PDE10A: variants seen among roughly 807,000 people sequenced by gnomAD.
PDE10A encodes cAMP and cAMP-inhibited cGMP 3',5'-cyclic phosphodiesterase 10A.
PDE10A carries 39 observed loss-of-function variants against 97.7 expected under a neutral mutation model. That is an observed-to-expected ratio of 0.40 (90% CI 0.31 to 0.52). PDE10A has a LOEUF of 0.52. Among genes scored for constraint, PDE10A ranks in the 20% least tolerant of loss-of-function variants. The pLI, the probability that PDE10A is intolerant of heterozygous loss-of-function variation, is 0.56. For missense variants in PDE10A, 731 were observed against 1,047.8 expected, an observed-to-expected ratio of 0.70 and a Z score of 4.17; for synonymous variants, 371 against 376.8, an observed-to-expected ratio of 0.98 and a Z score of 0.18.
At chr6:165,620,902 T>C (rs1458330948) in intron 1 of PDE10A, among the ~76,000 whole-genome samples, 1 of 151,438 alleles carries the variant, frequency 6.6e-6, no homozygotes, top group South Asian at 2.1e-4. Context: ...GCACCTGTAG[T>C]CCCAGCTACT....
chr6:165,504,199 T>C (rs1003695305), intron 2 of PDE10A, among the ~76,000 whole-genome samples: 1 of 152,144 alleles, frequency 6.6e-6, no homozygotes, highest in African/African-American at 2.4e-5. Context: ...TAGAATATTA[T>C]TTTGGAAAAT....
intron 1 of PDE10A, among the ~76,000 whole-genome samples, chr6:165,706,113 A>T (rs1474760464): frequency 6.6e-6 from 1 of 152,238 alleles, no homozygotes; most frequent in Non-Finnish European, 1.5e-5. Context: ...TGGGGAAGCC[A>T]GTTCCAGAAA....
At chr6:165,960,798 G>T (rs1275492202) in intron 1 of PDE10A, among the ~76,000 whole-genome samples, 1 of 152,228 alleles carries the variant, frequency 6.6e-6, no homozygotes, top group Non-Finnish European at 1.5e-5. Flanking sequence ...CAGGCAGGGA[G>T]CGGGGTGGGA....
chr6:165,363,792 A>G (rs901968037), intron 18 of PDE10A, among the ~76,000 whole-genome samples: 1 of 152,230 alleles, frequency 6.6e-6, no homozygotes, highest in Non-Finnish European at 1.5e-5. Flanking sequence ...TCAAAACAAT[A>G]AAATCCTTAG....
chr6:165,692,689 C>T (rs1249541201), intron 1 of PDE10A, among the ~76,000 whole-genome samples: 2 of 152,242 alleles, frequency 1.3e-5, no homozygotes, highest in Non-Finnish European at 2.9e-5. Flanking sequence ...TGTACACAGA[C>T]ATGCCCTGCT....
intron 18 of PDE10A, among the ~76,000 whole-genome samples, chr6:165,346,885 A>G (rs1346682690): frequency 6.6e-6 from 1 of 152,214 alleles, no homozygotes; most frequent in Non-Finnish European, 1.5e-5. Context: ...GAATTCTGTT[A>G]TGAGGTAGTC....
intron 1 of PDE10A, among the ~76,000 whole-genome samples, chr6:165,909,989 A>T (rs746410400): frequency 6.6e-6 from 1 of 152,026 alleles, no homozygotes; most frequent in Non-Finnish European, 1.5e-5. Flanking sequence ...CATCACTCTC[A>T]ACATATTTTT....
In PDE10A at chr6:165,772,448, T is replaced by C. The variant is rs147062914; in HGVS notation, c.-615+215081A>G. On this transcript the variant is annotated intron_variant, in intron 1 of 19. Coordinates refer to the PDE10A transcript ENST00000366882. ...TGCCTGTTGTAGACATCGCCTCCAA[T>C]GTTCTCCATGCGGCGTCCTAGGGCC... Among the ~76,000 whole-genome samples, 3 of 152,270 alleles carry C rather than the reference T, an allele frequency of 2.0e-5. No homozygotes were observed. In the East Asian group the frequency reaches 5.8e-4, roughly 29 times the overall value.
intron 1 of PDE10A, among the ~76,000 whole-genome samples, chr6:165,930,702 C>T (rs946996788): frequency 6.6e-6 from 1 of 152,236 alleles, no homozygotes; most frequent in African/African-American, 2.4e-5. Context: ...AAACAGATTC[C>T]TATTCTTCCA....
chr6:165,417,014 AATT>A (rs1788366664), intron 11 of PDE10A, among the ~76,000 whole-genome samples: 2 of 89,450 alleles, frequency 2.2e-5, no homozygotes, highest in African/African-American at 6.0e-5. Context: ...AAACTTCCTT[AATT>A]AACAAAGATG....
intron 21 of PDE10A, among the ~76,000 whole-genome samples, chr6:165,334,164 C>G (rs1015781942): frequency 2.6e-5 from 4 of 152,316 alleles, no homozygotes; most frequent in Middle Eastern, 3.4e-3. Flanking sequence ...TTAAAATGGC[C>G]TTTAAGAAGT....
chr6:165,782,170 A>G (rs1455179979), intron 1 of PDE10A, among the ~76,000 whole-genome samples: 4 of 152,252 alleles, frequency 2.6e-5, no homozygotes, highest in Admixed American at 2.6e-4. Flanking sequence ...ATCTAATCAC[A>G]AAGTTAGCGT....
intron 1 of PDE10A, among the ~76,000 whole-genome samples, chr6:165,613,386 T>C (rs1011805329): frequency 9.2e-5 from 14 of 152,154 alleles, no homozygotes; most frequent in Admixed American, 2.6e-4. Flanking sequence ...CACCCTGTAA[T>C]CCCAGCACTT....
intron 13 of PDE10A, among the ~76,000 whole-genome samples, chr6:165,406,551 T>C (rs551288114): frequency 6.6e-6 from 1 of 152,114 alleles, no homozygotes. Context: ...CGATGAAGTT[T>C]TGGGTTTTTT....
intron 1 of PDE10A, among the ~76,000 whole-genome samples, chr6:165,915,213 G>T (rs1192287220): frequency 6.6e-6 from 1 of 152,106 alleles, no homozygotes; most frequent in African/African-American, 2.4e-5. Context: ...TGGCTCACTG[G>T]CCTGTCCAAA....
intron 1 of PDE10A, among the ~76,000 whole-genome samples, chr6:165,543,871 C>CGTGT (rs375765109): frequency 0.1 from 15,128 of 149,860 alleles, 1,118 homozygotes; most frequent in African/African-American, 0.21. Flanking sequence ...TTCATATATA[C>CGTGT]GTGTGTGTGT....
intron 1 of PDE10A, among the ~76,000 whole-genome samples, chr6:165,817,632 C>T (rs1161429213): frequency 6.6e-6 from 1 of 152,158 alleles, no homozygotes; most frequent in Non-Finnish European, 1.5e-5. Context: ...GTCCCTGCAA[C>T]AGAGCCCGGC....
chr6:165,733,056 G>C (rs1416678307), intron 1 of PDE10A, among the ~76,000 whole-genome samples: 1 of 152,192 alleles, frequency 6.6e-6, no homozygotes, highest in African/African-American at 2.4e-5. Context: ...CTCATTGCCA[G>C]CGGAGCCTGC....
intron 2 of PDE10A, among the ~76,000 whole-genome samples, chr6:165,507,107 C>A (rs1781241010): frequency 6.6e-6 from 1 of 152,116 alleles, no homozygotes; most frequent in Non-Finnish European, 1.5e-5. Context: ...ATTTCTGTTT[C>A]CCTACCCTGT....
Sources: gnomAD v4.1 joint callset for allele counts (sites outside exome capture counted in the v4.1 genomes callset) on GRCh38, gnomAD v4.1.1 for gene constraint, MANE v1.5 for transcripts, NCBI Gene and HGNC (gene_info 2026-07-23, HGNC 2026-07-21) for gene names.